Variants in PTPRD observed in about 807,000 individuals in gnomAD.
The protein encoded by PTPRD is receptor-type tyrosine-protein phosphatase delta.
Under a neutral mutation model 214.5 loss-of-function variants are expected in PTPRD, and 34 were observed. The observed-to-expected ratio is 0.16, with a 90% CI of 0.12 to 0.21. PTPRD has a LOEUF of 0.21. Ranked by LOEUF, PTPRD falls within the 10% of genes least tolerant of loss-of-function variation. The pLI, the probability that PTPRD is intolerant of heterozygous loss-of-function variation, is 1.00. For missense variants in PTPRD, 2,545 were observed against 2,398.7 expected (o/e 1.06, Z -1.27); for synonymous variants, 1,128 against 845.7 (o/e 1.33, Z -5.79).
chr9:9,925,226 T>C (rs1292474015), intron 5 of PTPRD, among the ~76,000 whole-genome samples: 1 of 152,120 alleles, frequency 6.6e-6, no homozygotes, highest in Non-Finnish European at 1.5e-5. Context: ...TAGTTGCCCA[T>C]GTGCTGCCTA....
chr9:8,902,420 G>C (rs1460333252), intron 11 of PTPRD, among the ~76,000 whole-genome samples: 2 of 148,104 alleles, frequency 1.4e-5, no homozygotes, highest in Admixed American at 6.8e-5. Flanking sequence ...TTGGCTAACT[G>C]TAACCTCCGC....
chr9:10,090,965 T>C (rs368642656), intron 3 of PTPRD, among the ~76,000 whole-genome samples: 3,601 of 125,506 alleles, frequency 0.029, 52 homozygotes, highest in Middle Eastern at 0.093. Flanking sequence ...CACACATGCA[T>C]GTGGTAGAGT....
At chr9:9,661,044 G>A (rs535189459) in intron 7 of PTPRD, among the ~76,000 whole-genome samples, 6 of 151,948 alleles carry the variant, frequency 3.9e-5, no homozygotes, top group South Asian at 2.1e-4. Context: ...AAACCACCAC[G>A]TAACTTTCCA....
At chr9:10,120,928 C>G (rs1038983483) in intron 3 of PTPRD, among the ~76,000 whole-genome samples, 2 of 151,832 alleles carry the variant, frequency 1.3e-5, no homozygotes, top group African/African-American at 2.4e-5. Context: ...ACAAAGCTCA[C>G]GTAGACATTG....
chr9:8,966,827 G>T (rs1374374096), intron 11 of PTPRD, among the ~76,000 whole-genome samples: 2 of 151,950 alleles, frequency 1.3e-5, no homozygotes, highest in Non-Finnish European at 2.9e-5. Context: ...ACAACCTACA[G>T]AAGGGGAAAA....
At chr9:10,400,610 T>C (rs2098253835) in intron 2 of PTPRD, among the ~76,000 whole-genome samples, 1 of 151,672 alleles carries the variant, frequency 6.6e-6, no homozygotes, top group Non-Finnish European at 1.5e-5. Context: ...TGGAATATTG[T>C]TGAAAATTTA....
At chr9:9,625,429 A>G (rs928252924) in intron 7 of PTPRD, among the ~76,000 whole-genome samples, 1 of 152,170 alleles carries the variant, frequency 6.6e-6, no homozygotes, top group African/African-American at 2.4e-5. Context: ...TAATAGCACC[A>G]GCGTCTGGGA....
intron 9 of PTPRD, among the ~76,000 whole-genome samples, chr9:9,313,883 C>T (rs986373113): frequency 3.3e-5 from 5 of 152,080 alleles, no homozygotes; most frequent in Non-Finnish European, 7.4e-5. Flanking sequence ...GTGTTGATTT[C>T]TTTACATATT....
At chr9:8,382,734 T>C (rs144328788) in intron 37 of PTPRD, among the ~76,000 whole-genome samples, 149 of 152,312 alleles carry the variant, frequency 9.8e-4, no homozygotes, top group Admixed American at 2.9e-3. Context: ...ACATTAAGTA[T>C]CCACCACTTT....
chr9:9,524,951 A>G (rs868254625), intron 8 of PTPRD, among the ~76,000 whole-genome samples: 47 of 152,224 alleles, frequency 3.1e-4, no homozygotes, highest in Middle Eastern at 6.8e-3. Flanking sequence ...TCCGCCTTCC[A>G]GGTTCACGCC....
intron 2 of PTPRD, among the ~76,000 whole-genome samples, chr9:10,448,003 T>A (rs555801184): frequency 2.0e-5 from 3 of 152,138 alleles, no homozygotes; most frequent in Non-Finnish European, 4.4e-5. Flanking sequence ...TGTGAGTGTG[T>A]GTGTTTGTGT....
intron 5 of PTPRD, among the ~76,000 whole-genome samples, chr9:9,775,595 T>A (rs1466008533): frequency 6.6e-6 from 1 of 152,132 alleles, no homozygotes; most frequent in Non-Finnish European, 1.5e-5. Flanking sequence ...CTCCCCACCT[T>A]CAATTTTATC....
intron 4 of PTPRD, among the ~76,000 whole-genome samples, chr9:10,012,824 G>A (rs1031916790): frequency 6.6e-6 from 1 of 151,880 alleles, no homozygotes; most frequent in Non-Finnish European, 1.5e-5. Context: ...ATATGTAATT[G>A]GGATAGCTGC....
At chr9:9,866,227 G>C (rs1461285646) in intron 5 of PTPRD, among the ~76,000 whole-genome samples, 1 of 152,020 alleles carries the variant, frequency 6.6e-6, no homozygotes, top group Non-Finnish European at 1.5e-5. Context: ...TTTAGAATCT[G>C]CTATATATGT....
intron 3 of PTPRD, among the ~76,000 whole-genome samples, chr9:10,038,412 A>G (rs1032860194): frequency 1.3e-5 from 2 of 152,144 alleles, no homozygotes; most frequent in African/African-American, 2.4e-5. Flanking sequence ...AAAATATCCA[A>G]TTACCTTTAT....
intron 7 of PTPRD, among the ~76,000 whole-genome samples, chr9:9,611,922 T>C (rs534880198): frequency 6.6e-6 from 1 of 152,282 alleles, no homozygotes; most frequent in African/African-American, 2.4e-5. Context: ...TAATTTCATA[T>C]ACATAAGACT....
Position 9,120,505 on chromosome 9 carries a change from G to C in PTPRD, c.-143+62799C>G, listed in dbSNP as rs192862136. On this transcript the variant is annotated intron_variant, in intron 10 of 45. Transcript: ENST00000381196. The stretch of plus-strand genomic sequence containing the variant: ...ATGGAAAAGTCTGTCAAATATGAAA[G>C]CTGTGCATGCCTCCATTGCATATAA... 9.9e-4 allele frequency among the ~76,000 whole-genome samples: 151 copies of C among 152,278 alleles called. No individual in the cohort carries two copies. The Middle Eastern group carries it at 0.01, about 10-fold the overall frequency.
At chr9:9,318,920 C>T (rs1353070739) in intron 9 of PTPRD, among the ~76,000 whole-genome samples, 3 of 152,134 alleles carry the variant, frequency 2.0e-5, no homozygotes, top group Non-Finnish European at 4.4e-5. Flanking sequence ...TTTATGCCAG[C>T]TCAATCTTCT....
intron 9 of PTPRD, among the ~76,000 whole-genome samples, chr9:9,234,270 G>A (rs2099965122): frequency 6.6e-6 from 1 of 152,244 alleles, no homozygotes; most frequent in East Asian, 1.9e-4. Context: ...GCTATACCTT[G>A]GCCCCTTTTA....
Sources: gnomAD v4.1 joint callset for allele counts (sites outside exome capture counted in the v4.1 genomes callset) on GRCh38, gnomAD v4.1.1 for gene constraint, MANE v1.5 for transcripts, NCBI Gene and HGNC (gene_info 2026-07-23, HGNC 2026-07-21) for gene names.